The following STARD13 variants were observed in gnomAD, a reference collection of about 807,000 sequenced individuals.
STARD13 encodes StAR related lipid transfer domain containing 13.
In STARD13, 62 loss-of-function variants were observed where a neutral mutation model predicts 106.4. The observed-to-expected ratio is 0.58, with a 90% CI of 0.48 to 0.72. The LOEUF is 0.72. Among genes scored for constraint, STARD13 ranks in the 30% least tolerant of loss-of-function variants. STARD13 has a pLI of 0.00. For synonymous variants in STARD13, 565 were observed against 553.0 expected, an observed-to-expected ratio of 1.02 and a Z score of -0.31; for missense variants, 1,387 against 1,424.0, an observed-to-expected ratio of 0.97 and a Z score of 0.42.
At chr13:33,463,962 G>C in the STARD13 span, among the ~76,000 whole-genome samples, 1 of 150,536 alleles carries the variant, frequency 6.6e-6, no homozygotes, top group South Asian at 2.1e-4. Context: ...AGTGAGCAGA[G>C]ATCGTGCCAT....
the STARD13 span, among the ~76,000 whole-genome samples, chr13:33,639,139 C>T: frequency 1.3e-5 from 2 of 152,040 alleles, no homozygotes; most frequent in Admixed American, 1.3e-4. Context: ...TAAGATAATG[C>T]CAGATGATGA....
chr13:33,402,047 G>A, the STARD13 span, among the ~76,000 whole-genome samples: 513 of 152,206 alleles, frequency 3.4e-3, 4 homozygotes, highest in African/African-American at 0.011. Context: ...GGCCCTTTTG[G>A]AAATGCAATC....
At chr13:33,552,912 T>G in the STARD13 span, among the ~76,000 whole-genome samples, 1 of 151,966 alleles carries the variant, frequency 6.6e-6, no homozygotes, top group South Asian at 2.1e-4. Flanking sequence ...ACACAAAAAT[T>G]CACAGAATAT....
At chr13:33,124,617 T>C (rs1401766206) in intron 7 of STARD13, among the ~76,000 whole-genome samples, 1 of 152,166 alleles carries the variant, frequency 6.6e-6, no homozygotes, top group African/African-American at 2.4e-5. Context: ...GCAATGATAT[T>C]GGCACTGCAC....
At chr13:33,191,134 G>C (rs143807574) in intron 1 of STARD13, among the ~76,000 whole-genome samples, 3 of 152,134 alleles carry the variant, frequency 2.0e-5, no homozygotes, top group African/African-American at 7.2e-5. Context: ...TATATACGCG[G>C]TTTTCAGCTT....
At chr13:33,472,575 T>C in the STARD13 span, among the ~76,000 whole-genome samples, 1 of 152,052 alleles carries the variant, frequency 6.6e-6, no homozygotes, top group Admixed American at 6.6e-5. Flanking sequence ...GTGCCAGTTG[T>C]TCCCTAGAGC....
chr13:33,471,277 C>T, the STARD13 span, among the ~76,000 whole-genome samples: 1 of 152,114 alleles, frequency 6.6e-6, no homozygotes, highest in Admixed American at 6.6e-5. Context: ...GCCATGTAGC[C>T]ACATAGAGAG....
chr13:33,527,687 A>G, the STARD13 span, among the ~76,000 whole-genome samples: 5 of 151,968 alleles, frequency 3.3e-5, no homozygotes, highest in Non-Finnish European at 7.4e-5. Flanking sequence ...AAAAATACAG[A>G]TAGGTAACCC....
intron 1 of STARD13, among the ~76,000 whole-genome samples, chr13:33,176,851 G>C (rs573803707): frequency 6.6e-6 from 1 of 152,074 alleles, no homozygotes; most frequent in Admixed American, 6.5e-5. Flanking sequence ...GGTTAAGAAA[G>C]TTACATCAAC....
chr13:33,307,659 A>G (rs1230029710), intron 1 of STARD13, among the ~76,000 whole-genome samples: 3 of 152,006 alleles, frequency 2.0e-5, no homozygotes, highest in Non-Finnish European at 4.4e-5. Context: ...CCTGTCAGGG[A>G]GTTGGGGAGA....
the STARD13 span, among the ~76,000 whole-genome samples, chr13:33,437,001 T>A: frequency 1.1e-4 from 17 of 152,220 alleles, no homozygotes; most frequent in African/African-American, 3.9e-4. Flanking sequence ...CTGACTACCA[T>A]ATTCTGTTAA....
At chr13:33,528,965 A>G in the STARD13 span, among the ~76,000 whole-genome samples, 1,362 of 152,250 alleles carry the variant, frequency 8.9e-3, 10 homozygotes, top group Non-Finnish European at 0.013. Flanking sequence ...CTGCCATCTC[A>G]TTGGAATAAA....
At chr13:33,351,879 A>C (rs1017117932), upstream of STARD13, among the ~76,000 whole-genome samples, 1 of 152,192 alleles carries the variant, frequency 6.6e-6, no homozygotes, top group African/African-American at 2.4e-5. Flanking sequence ...CTCTACCTAA[A>C]GTATTCCCTC....
intron 3 of STARD13, among the ~76,000 whole-genome samples, chr13:33,151,217 C>T (rs1407987695): frequency 2.6e-5 from 4 of 152,094 alleles, no homozygotes; most frequent in Admixed American, 6.6e-5. Flanking sequence ...GTTTTCATTG[C>T]TATTAAGGAA....
In STARD13 at chr13:33,336,219, T is replaced by C. The variant is rs1292941847; in HGVS notation, c.124+14071A>G. 2.0e-5 allele frequency: 3 copies of C among 152,256 alleles called. No homozygotes were observed. The East Asian group carries it at 5.8e-4, about 29-fold the overall frequency. The allele number at this position is 152,256 out of a possible 1,614,324, so 9.4% of individuals were successfully genotyped here. On this transcript the variant is annotated intron_variant, in intron 1 of 5. Transcript: ENST00000567873. ...AATTTCTGAATACTAATGACTGTGC[T>C]ATTAAGGTTTAATTTATTTATACAA...
chr13:33,666,316 G>A, the STARD13 span, among the ~76,000 whole-genome samples: 1 of 152,198 alleles, frequency 6.6e-6, no homozygotes, highest in African/African-American at 2.4e-5. Flanking sequence ...TTTTTTGAGA[G>A]AGAGTCTCGC....
the STARD13 span, among the ~76,000 whole-genome samples, chr13:33,506,979 T>C: frequency 6.6e-6 from 1 of 152,102 alleles, no homozygotes; most frequent in Non-Finnish European, 1.5e-5. Context: ...TATGTGCCTG[T>C]AGTCCCAGCT....
chr13:33,398,350 T>G, the STARD13 span, among the ~76,000 whole-genome samples: 1 of 152,188 alleles, frequency 6.6e-6, no homozygotes, highest in Admixed American at 6.5e-5. Context: ...CATCTAAAAC[T>G]ATAAAACTTT....
chr13:33,426,962 T>C, the STARD13 span, among the ~76,000 whole-genome samples: 20 of 152,364 alleles, frequency 1.3e-4, no homozygotes, highest in South Asian at 3.3e-3. Flanking sequence ...TAAAATGCTT[T>C]ATCATGCATG....
Sources: allele counts gnomAD v4.1 joint callset (sites outside exome capture counted in the v4.1 genomes callset), GRCh38; gene constraint gnomAD v4.1.1; transcripts MANE v1.5; gene names NCBI Gene and HGNC (gene_info 2026-07-23, HGNC 2026-07-21).